NOL9: variants seen among roughly 807,000 people sequenced by gnomAD.
The protein encoded by NOL9 is nucleolar protein 9.
A neutral mutation model predicts 67.9 loss-of-function variants in NOL9; 28 were observed. The ratio of observed to expected loss-of-function variants is 0.41; its 90% CI spans 0.31 to 0.57. The LOEUF is 0.57. Ranked by LOEUF, NOL9 falls within the 20% of genes least tolerant of loss-of-function variation. NOL9 has a pLI of 0.25. For missense variants in NOL9, 777 were observed against 897.0 expected (o/e 0.87, Z 1.71); for synonymous variants, 356 against 352.2 (o/e 1.01, Z -0.12).
chr1:6,530,375 A>G (rs769500821), intron 9 of NOL9, among the ~76,000 whole-genome samples: 1 of 152,100 alleles, frequency 6.6e-6, no homozygotes, highest in African/African-American at 2.4e-5. Flanking sequence ...AATCGCTTGA[A>G]CCCGGGAGGC....
rs963493414 is a variant in NOL9, at chr1:6,522,309, G to C, written c.*3545C>G. On this transcript the variant is annotated 3_prime_UTR_variant, in exon 12 of 12. Coordinates refer to ENST00000377705, the MANE Select transcript of NOL9 (RefSeq NM_024654.5). Reference sequence around the variant, plus strand: ...TTATGCCTGTAATCCCAACACCTTGGGAGGCCAAGGCAGGCGGATCCCCTG... The same window carrying C: ...TTATGCCTGTAATCCCAACACCTTGCGAGGCCAAGGCAGGCGGATCCCCTG... 6 of 152,196 alleles carry C rather than the reference G, an allele frequency of 3.9e-5. No individual in the cohort carries two copies. The highest frequency in any genetic ancestry group is 8.8e-5 in the Non-Finnish European group (6 of 68,040). 9.4% of individuals were successfully genotyped at this position (152,196 alleles called of 1,614,324 possible). A position where few individuals can be genotyped will look rare whatever the true frequency, so the allele number is the denominator to read the frequency against.
chr1:6,546,698 G>A (rs1326489067), intron 3 of NOL9, among the ~76,000 whole-genome samples: 1 of 152,124 alleles, frequency 6.6e-6, no homozygotes, highest in Non-Finnish European at 1.5e-5. Flanking sequence ...TCTGCTGCAT[G>A]GTTACCTCCC....
At chr1:6,528,287 G>A (rs1295830011) in intron 10 of NOL9, among the ~76,000 whole-genome samples, 1 of 152,188 alleles carries the variant, frequency 6.6e-6, no homozygotes, top group Non-Finnish European at 1.5e-5. Context: ...TTGCGCCTGG[G>A]TTCAGGTCAT....
Position 6,529,487 on chromosome 1 carries a change from C to A in NOL9, c.1648-316G>T, listed in dbSNP as rs12401373. ...CCTGTAATCCCAGCTACTCGGGAGG[C>A]TAAGGCAGAAGAATCGCTTGAACCT... On this transcript the variant is annotated intron_variant, in intron 9 of 11. Transcript: ENST00000377705. Among the ~76,000 whole-genome samples the A allele has an allele frequency of 3.9e-5, 6 of 151,916 alleles. No individual in the cohort carries two copies. In the South Asian group the frequency reaches 1.2e-3, roughly 31 times the overall value.
intron 1 of NOL9, among the ~76,000 whole-genome samples, chr1:6,551,000 C>T (rs995183710): frequency 2.0e-5 from 3 of 152,134 alleles, no homozygotes; most frequent in Admixed American, 6.5e-5. Context: ...AAAATCTTAA[C>T]TTGCTATTCA....
intron 5 of NOL9, 86 bp downstream of exon 5, chr1:6,544,740 C>G: frequency 1.4e-6 from 2 of 1,382,362 alleles, no homozygotes; most frequent in Non-Finnish European, 2.0e-6. Context: ...TAGCTAGAAG[C>G]CAAGAAGCAT....
chr1:6,527,893 T>C (rs1464192572), intron 10 of NOL9, among the ~76,000 whole-genome samples: 1 of 151,714 alleles, frequency 6.6e-6, no homozygotes, highest in Non-Finnish European at 1.5e-5. Flanking sequence ...ATCACACCAT[T>C]GCACTCCAGC....
At chr1:6,542,757 A>G (rs979124609) in intron 5 of NOL9, among the ~76,000 whole-genome samples, 1 of 147,088 alleles carries the variant, frequency 6.8e-6, no homozygotes, top group Admixed American at 6.8e-5. Context: ...GTGCCCAGCT[A>G]ATTTTTGTAT....
chr1:6,543,995 G>T (rs950859976), intron 5 of NOL9, among the ~76,000 whole-genome samples: 3 of 151,998 alleles, frequency 2.0e-5, no homozygotes, highest in African/African-American at 7.3e-5. Context: ...GTATGGTGGC[G>T]CACGCCTGTA....
At chr1:6,549,481 G>T in intron 3 of NOL9, 90 bp downstream of exon 3, 1 of 1,460,776 alleles carries the variant, frequency 6.8e-7, no homozygotes, top group Non-Finnish European at 9.3e-7. Flanking sequence ...TAGACCAACT[G>T]TTCTTCCAAG....
chr1:6,531,859 G>T (rs1639035172), intron 9 of NOL9, 109 bp downstream of exon 9: 1 of 807,680 alleles, frequency 1.2e-6, no homozygotes, highest in Non-Finnish European at 2.1e-6. Flanking sequence ...ATGTTCTGAG[G>T]ATTAAATGAG....
At chr1:6,543,668 G>C (rs1168168750) in intron 5 of NOL9, among the ~76,000 whole-genome samples, 1 of 152,018 alleles carries the variant, frequency 6.6e-6, no homozygotes. Flanking sequence ...ACCCACCTCT[G>C]TTGTTGTTGT....
intron 5 of NOL9, among the ~76,000 whole-genome samples, chr1:6,544,544 C>CGCACACA (rs61278197): frequency 1.0e-4 from 12 of 118,660 alleles, no homozygotes; most frequent in South Asian, 2.7e-4. Flanking sequence ...CACACACGCA[C>CGCACACA]CCCCCCCCCG....
At chr1:6,543,090 C>T (rs1639335515) in intron 5 of NOL9, among the ~76,000 whole-genome samples, 1 of 151,684 alleles carries the variant, frequency 6.6e-6, no homozygotes, top group South Asian at 2.1e-4. Flanking sequence ...GACAGGGTCT[C>T]ATTACGTTGC....
rs543195374 is a variant in NOL9, at chr1:6,533,012, T to C, written c.1238-252A>G. Among the ~76,000 whole-genome samples the C allele has an allele frequency of 5.3e-5, 8 of 152,234 alleles. No individual in the cohort carries two copies. In the South Asian group the frequency reaches 1.0e-3, roughly 20 times the overall value. ...CAACATGGCAAAACCCCATCTTTAC[T>C]AAAACTACAAAAATTAGCTGGGCAG... On this transcript the variant is annotated intron_variant, in intron 7 of 11. Coordinates refer to ENST00000377705, the MANE Select transcript of NOL9 (RefSeq NM_024654.5).
intron 3 of NOL9, chr1:6,548,621 T>C: frequency 2.7e-6 from 1 of 369,294 alleles, no homozygotes; most frequent in Admixed American, 3.0e-5. Flanking sequence ...GAAAGCTAAA[T>C]AAAAAATGAA....
chr1:6,533,468 A>G (rs1412354793), intron 6 of NOL9, 27 bp from the exon 7 acceptor site: 11 of 1,541,440 alleles, frequency 7.1e-6, no homozygotes, highest in Non-Finnish European at 7.0e-6. Context: ...GAGTAATCAG[A>G]TGAGTAAGGT....
At position 6,525,851 on chromosome 1, in the gene NOL9, G is replaced by GC. The variant is rs778748074; in HGVS notation, c.*2dup. ...GTTTCTTCCCTTATTAAAAACGCGAGCATCACTTCATTTTTCGACAGAACT... is the reference window on the plus strand; with the variant it reads ...GTTTCTTCCCTTATTAAAAACGCGAGCCATCACTTCATTTTTCGACAGAACT... On this transcript the variant is annotated 3_prime_UTR_variant, in exon 12 of 12. Transcript: ENST00000377705. 13 of 1,613,718 alleles carry GC rather than the reference G, an allele frequency of 8.1e-6. No individual in the cohort carries two copies. The highest frequency in any genetic ancestry group is 1.3e-5 in the African/African-American group (1 of 74,820).
intron 9 of NOL9, among the ~76,000 whole-genome samples, chr1:6,530,195 G>A (rs1400592860): frequency 6.6e-6 from 1 of 152,174 alleles, no homozygotes; most frequent in Non-Finnish European, 1.5e-5. Flanking sequence ...GGACACGCCT[G>A]TAATCCCAGC....
Sources: allele counts gnomAD v4.1 joint callset (sites outside exome capture counted in the v4.1 genomes callset), GRCh38; gene constraint gnomAD v4.1.1; transcripts MANE v1.5; gene names NCBI Gene and HGNC (gene_info 2026-07-23, HGNC 2026-07-21).